SLC25A37: variants seen among roughly 807,000 people sequenced by gnomAD.
The protein encoded by SLC25A37 is solute carrier family 25 member 37.
A neutral mutation model predicts 31.0 loss-of-function variants in SLC25A37; 17 were observed. That is an observed-to-expected ratio of 0.55 (90% CI 0.38 to 0.82). The LOEUF is 0.82. SLC25A37 is among the 40% of genes least tolerant of loss of function. The pLI, the probability that SLC25A37 is intolerant of heterozygous loss-of-function variation, is 0.00. For missense variants in SLC25A37, 404 were observed against 465.8 expected (o/e 0.87, Z 1.22); for synonymous variants, 222 against 193.0 (o/e 1.15, Z -1.24).
chr8:23,574,099 T>C lies in SLC25A37; in HGVS notation c.*2244T>C, dbSNP rs1475634619. ...AAGCAAGGTATTTCCTACTGGATTT[T>C]GCTTTCACTGGTGTTTAGAAAATAA... On this transcript the variant is annotated 3_prime_UTR_variant, in exon 4 of 4. Coordinates refer to ENST00000519973, the MANE Select transcript of SLC25A37 (RefSeq NM_016612.4). 2 of 333,790 alleles carry C rather than the reference T, an allele frequency of 6.0e-6. No individual in the cohort carries two copies. The highest frequency in any genetic ancestry group is 1.2e-5 in the Non-Finnish European group (2 of 166,454). 20.7% of individuals were successfully genotyped at this position (333,790 alleles called of 1,614,324 possible). A position where few individuals can be genotyped will look rare whatever the true frequency, so the allele number is the denominator to read the frequency against.
chr8:23,574,557 C>T lies in SLC25A37; in HGVS notation c.*2702C>T, dbSNP rs778426663. 6.5e-6 allele frequency: 1 copy of T among 154,926 alleles called. No individual in the cohort carries two copies. Among genetic ancestry groups the T allele is most frequent in the Admixed American group, 6.5e-5 (1 of 15,298 alleles). The allele number at this position is 154,926 out of a possible 1,614,324, so 9.6% of individuals were successfully genotyped here. A position where few individuals can be genotyped will look rare whatever the true frequency, so the allele number is the denominator to read the frequency against. On this transcript the variant is annotated 3_prime_UTR_variant, in exon 4 of 4. Transcript: ENST00000519973. ...AGGGATGAGTCAGCTTGGGGAGCCA[C>T]TTGGCCAGCCTGCATGCCTGGTCAT...
chr8:23,545,879 G>A (rs1802022886), intron 1 of SLC25A37, among the ~76,000 whole-genome samples: 1 of 152,190 alleles, frequency 6.6e-6, no homozygotes, highest in Non-Finnish European at 1.5e-5. Context: ...GCTCATGCCT[G>A]TAATTCCAGC....
At chr8:23,566,893 A>G in intron 2 of SLC25A37, 1 of 873,316 alleles carries the variant, frequency 1.1e-6, no homozygotes, top group African/African-American at 1.8e-5. Context: ...GGATCTGGGA[A>G]TTTTACCCCC....
rs1307625284 is a variant in SLC25A37, at chr8:23,564,493, G to A, written c.211-1615G>A. Among the ~76,000 whole-genome samples, 4 of 143,466 alleles carry A rather than the reference G, an allele frequency of 2.8e-5. No individual in the cohort carries two copies. The South Asian group carries it at 1.0e-3, about 36-fold the overall frequency. The allele number at this position is 143,466 out of a possible 152,430, so 94.1% of individuals were successfully genotyped here. A position where few individuals can be genotyped will look rare whatever the true frequency, so the allele number is the denominator to read the frequency against. On this transcript the variant is annotated intron_variant, in intron 1 of 3. Coordinates refer to ENST00000519973, the MANE Select transcript of SLC25A37 (RefSeq NM_016612.4). ...GGAGTGGGGGAGGGAGGGAGTCGGG[G>A]AGGGAGGAAGGGAAGGGTGGGAGGA...
intron 1 of SLC25A37, among the ~76,000 whole-genome samples, chr8:23,533,484 T>C (rs568866197): frequency 6.6e-6 from 1 of 152,344 alleles, no homozygotes; most frequent in East Asian, 1.9e-4. Flanking sequence ...TTCAGCTGCA[T>C]GTGGCCATCT....
chr8:23,563,019 TGGTG>T (rs1489792562), intron 1 of SLC25A37, among the ~76,000 whole-genome samples: 1 of 152,208 alleles, frequency 6.6e-6, no homozygotes, highest in Non-Finnish European at 1.5e-5. Context: ...ACACTTGGCA[TGGTG>T]TGTACATCTT....
At chr8:23,540,628 T>G (rs1801870175) in intron 1 of SLC25A37, among the ~76,000 whole-genome samples, 2 of 152,236 alleles carry the variant, frequency 1.3e-5, no homozygotes, top group Admixed American at 1.3e-4. Flanking sequence ...ACCTTCTCAT[T>G]TCAGCAGTGA....
At chr8:23,553,210 C>T (rs112965211) in intron 1 of SLC25A37, among the ~76,000 whole-genome samples, 1,625 of 152,230 alleles carry the variant, frequency 0.011, 34 homozygotes, top group African/African-American at 0.035. Context: ...CACCTGAGGT[C>T]AGGAGTTTGA....
intron 1 of SLC25A37, among the ~76,000 whole-genome samples, chr8:23,537,128 C>T (rs763236779): frequency 7.6e-5 from 11 of 144,854 alleles, no homozygotes; most frequent in African/African-American, 2.3e-4. Flanking sequence ...CCTGGGAGGT[C>T]GAGGCTGTAG....
intron 2 of SLC25A37, 200 bp downstream of exon 2, chr8:23,566,536 T>A: frequency 3.8e-6 from 5 of 1,332,716 alleles, no homozygotes; most frequent in Non-Finnish European, 4.8e-6. Context: ...TTTTTTCTGT[T>A]CCCCTCCGCT....
At position 23,529,428 on chromosome 8, in the gene SLC25A37, G is replaced by T. The variant is rs891775297; in HGVS notation, c.210+216G>T. Among the ~76,000 whole-genome samples the T allele has an allele frequency of 6.6e-6, 1 of 151,652 alleles. No homozygotes were observed. The highest frequency in any genetic ancestry group is 2.4e-5 in the African/African-American group (1 of 41,388). ...GGGTGCCCGGTCCTCGCCCCGCACCGCCCGCTGCTCCAGCCGCGTGCCCGG... is the reference window on the plus strand; with the variant it reads ...GGGTGCCCGGTCCTCGCCCCGCACCTCCCGCTGCTCCAGCCGCGTGCCCGG... On this transcript the variant is annotated intron_variant, in intron 1 of 3. Transcript: ENST00000519973. The surrounding 1 kb of genome is among the most constrained non-coding windows in gnomAD (Gnocchi z 4.1).
At chr8:23,535,168 C>T (rs982012359) in intron 1 of SLC25A37, among the ~76,000 whole-genome samples, 1 of 152,200 alleles carries the variant, frequency 6.6e-6, no homozygotes, top group African/African-American at 2.4e-5. Context: ...CCAACCCTGG[C>T]TTGCCCCACC....
At chr8:23,570,467 TA>T (rs1802793983) in intron 3 of SLC25A37, among the ~76,000 whole-genome samples, 1 of 152,160 alleles carries the variant, frequency 6.6e-6, no homozygotes, top group East Asian at 1.9e-4. Flanking sequence ...ATGAAAAACC[TA>T]AAAATGCCCA....
At chr8:23,545,913 G>T (rs1802023869) in intron 1 of SLC25A37, among the ~76,000 whole-genome samples, 1 of 152,152 alleles carries the variant, frequency 6.6e-6, no homozygotes, top group Admixed American at 6.5e-5. Flanking sequence ...AAGACGGGTG[G>T]ATCACGAGGT....
rs1364029824 is a variant in SLC25A37 at position 23,529,432 on chromosome 8, G to T, written c.210+220G>T. Among the ~76,000 whole-genome samples the T allele has an allele frequency of 1.3e-5, 2 of 151,702 alleles. No homozygotes were observed. Among genetic ancestry groups the T allele is most frequent in the Admixed American group, 6.6e-5 (1 of 15,218 alleles). On this transcript the variant is annotated intron_variant, in intron 1 of 3. Transcript: ENST00000519973. This position sits in a 1 kb window ranked among gnomAD's most constrained non-coding sequence, Gnocchi z 4.1. ...GCCCGGTCCTCGCCCCGCACCGCCC[G>T]CTGCTCCAGCCGCGTGCCCGGCCCC... is the stretch of plus-strand genomic sequence containing the variant.
chr8:23,537,125 G>C (rs541437449), intron 1 of SLC25A37, among the ~76,000 whole-genome samples: 64 of 151,312 alleles, frequency 4.2e-4, no homozygotes, highest in African/African-American at 1.5e-3. Flanking sequence ...GAGCCTGGGA[G>C]GTCGAGGCTG....
chr8:23,566,013 G>A (rs1802641849), intron 1 of SLC25A37, 95 bp from the exon 2 acceptor site: 3 of 1,445,128 alleles, frequency 2.1e-6, no homozygotes, highest in Non-Finnish European at 2.7e-6. Flanking sequence ...CTATGACATT[G>A]TTTTTCTCTC....
rs955486194 is a variant in SLC25A37 at position 23,565,979 on chromosome 8, C to T, written c.211-129C>T. ...ATTCATTTTGATTTCAAATATGTTT[C>T]CTTCCCAGAGAAATCCTGTGAAACT... On this transcript the variant is annotated intron_variant, in intron 1 of 3. Transcript: ENST00000519973. The T allele has an allele frequency of 6.1e-6, 8 of 1,308,252 alleles. No individual in the cohort carries two copies. The African/African-American group carries it at 1.2e-4, about 20-fold the overall frequency. The allele number at this position is 1,308,252 out of a possible 1,614,324, so 81.0% of individuals were successfully genotyped here. A position where few individuals can be genotyped will look rare whatever the true frequency, so the allele number is the denominator to read the frequency against.
At chr8:23,571,230 TTG>T (rs1802820055) in intron 3 of SLC25A37, 103 bp from the exon 4 acceptor site, 1 of 1,361,408 alleles carries the variant, frequency 7.3e-7, no homozygotes. Context: ...TCTAACTGGC[TTG>T]TTTCTCTTTA....
Sources: allele counts gnomAD v4.1 joint callset (sites outside exome capture counted in the v4.1 genomes callset), GRCh38; gene constraint gnomAD v4.1.1; non-coding constraint Gnocchi (gnomAD v3.1); transcripts MANE v1.5; gene names NCBI Gene and HGNC (gene_info 2026-07-23, HGNC 2026-07-21).